The following GABBR2 variants were observed in gnomAD, a reference collection of about 807,000 sequenced individuals.
GABBR2 encodes the protein gamma-aminobutyric acid type B receptor subunit 2.
In GABBR2, 23 loss-of-function variants were observed where a neutral mutation model predicts 105.6. The observed-to-expected ratio is 0.22, with a 90% confidence interval of 0.16 to 0.31. The LOEUF (loss-of-function observed/expected upper bound fraction) is 0.31, where lower values mean the gene tolerates loss of function less well. Ranked by LOEUF, GABBR2 falls within the 10% of genes least tolerant of loss-of-function variation. The pLI, the probability that GABBR2 is intolerant of heterozygous loss-of-function variation, is 1.00. For missense variants in GABBR2, 734 were observed against 1,245.5 expected, an observed-to-expected ratio of 0.59 and a Z score of 6.18; for synonymous variants, 478 against 499.7, an observed-to-expected ratio of 0.96 and a Z score of 0.58.
chr9:98,626,112 A>G lies in GABBR2; in HGVS notation c.322-48040T>C, dbSNP rs146624954. ...GTAGAGATTCGGAAGTGAACCTTGA[A>G]AACATCATGCTGAGTGAAAGAGGCT... On this transcript the variant is annotated intron_variant, in intron 1 of 18. Coordinates refer to ENST00000259455, the MANE Select transcript of GABBR2 (RefSeq NM_005458.8). Among the ~76,000 whole-genome samples, 282 of 152,320 alleles carry G rather than the reference A, an allele frequency of 1.9e-3. 1 individual carries two copies. The highest frequency in any genetic ancestry group is 6.6e-3 in the African/African-American group (275 of 41,566).
chr9:98,650,657 A>G (rs1157534214), intron 1 of GABBR2, among the ~76,000 whole-genome samples: 1 of 152,234 alleles, frequency 6.6e-6, no homozygotes, highest in African/African-American at 2.4e-5. Flanking sequence ...AACATTATCC[A>G]CAAAAGCCAA....
intron 2 of GABBR2, among the ~76,000 whole-genome samples, chr9:98,567,931 A>G (rs1267258915): frequency 6.6e-6 from 1 of 152,142 alleles, no homozygotes; most frequent in Non-Finnish European, 1.5e-5. Context: ...AGAGCCTGGG[A>G]GAGTATACAG....
At chr9:98,312,350 G>A (rs75926160) in intron 13 of GABBR2, among the ~76,000 whole-genome samples, 2,740 of 152,150 alleles carry the variant, frequency 0.018, 80 homozygotes, top group African/African-American at 0.061. Flanking sequence ...CAGTTATTTT[G>A]TAGAAGCCCC....
intron 1 of GABBR2, among the ~76,000 whole-genome samples, chr9:98,674,362 C>T (rs1176093231): frequency 1.3e-5 from 2 of 152,188 alleles, no homozygotes; most frequent in South Asian, 2.1e-4. Context: ...AGGAATGCCA[C>T]GTGAACATCT....
At chr9:98,551,742 T>G (rs1030366063) in intron 2 of GABBR2, among the ~76,000 whole-genome samples, 1 of 152,088 alleles carries the variant, frequency 6.6e-6, no homozygotes, top group African/African-American at 2.4e-5. Context: ...CAGAGAGAAG[T>G]GGTGAGCTCA....
At chr9:98,493,461 G>C (rs1410566005) in intron 4 of GABBR2, among the ~76,000 whole-genome samples, 2 of 152,146 alleles carry the variant, frequency 1.3e-5, no homozygotes, top group Non-Finnish European at 2.9e-5. Context: ...CCCTTCTCCA[G>C]TATCCACAAC....
At chr9:98,358,547 G>C (rs114137098) in intron 13 of GABBR2, among the ~76,000 whole-genome samples, 4,622 of 152,310 alleles carry the variant, frequency 0.03, 232 homozygotes, top group African/African-American at 0.11. Context: ...CCACTGACTT[G>C]TCTGTCTTCC....
intron 13 of GABBR2, among the ~76,000 whole-genome samples, chr9:98,318,932 G>A (rs1490285631): frequency 6.6e-6 from 1 of 151,584 alleles, no homozygotes; most frequent in Non-Finnish European, 1.5e-5. Context: ...GTGTGTGTGT[G>A]TGTGGTGTGT....
At chr9:98,357,194 A>C (rs1831499412) in intron 13 of GABBR2, among the ~76,000 whole-genome samples, 1 of 152,212 alleles carries the variant, frequency 6.6e-6, no homozygotes, top group African/African-American at 2.4e-5. Flanking sequence ...TCATCATTTG[A>C]AAAAATGTAC....
chr9:98,349,589 C>T (rs1831362124), intron 13 of GABBR2, among the ~76,000 whole-genome samples: 1 of 151,828 alleles, frequency 6.6e-6, no homozygotes, highest in Non-Finnish European at 1.5e-5. Context: ...CTCCTGACCT[C>T]GTGATCCGCC....
At chr9:98,633,682 C>T (rs570597765) in intron 1 of GABBR2, among the ~76,000 whole-genome samples, 4 of 151,708 alleles carry the variant, frequency 2.6e-5, no homozygotes, top group South Asian at 2.1e-4. Flanking sequence ...CTCAATATCA[C>T]CAGAAGACAG....
intron 6 of GABBR2, among the ~76,000 whole-genome samples, chr9:98,457,835 G>C (rs1317777438): frequency 6.6e-6 from 1 of 152,180 alleles, no homozygotes; most frequent in Non-Finnish European, 1.5e-5. Flanking sequence ...ACAATTGTTG[G>C]AGAAAAAGTT....
At chr9:98,545,351 G>T (rs1409005905) in intron 2 of GABBR2, among the ~76,000 whole-genome samples, 1 of 152,186 alleles carries the variant, frequency 6.6e-6, no homozygotes, top group Non-Finnish European at 1.5e-5. Context: ...GCTTTGATTA[G>T]ATTGCTTTGC....
rs975049100 is a variant in GABBR2, at chr9:98,708,779, T to G, written c.-42A>C. 8 of 973,734 alleles carry G rather than the reference T, an allele frequency of 8.2e-6. No individual in the cohort carries two copies. Among genetic ancestry groups the G allele is most frequent in the African/African-American group, 1.8e-5 (1 of 55,892 alleles). The allele number at this position is 973,734 out of a possible 1,614,324, so 60.3% of individuals were successfully genotyped here. ...CGGGCGCCGGCTCACTCGGCCCGCA[T>G]GGCCTGGCCCGGCCCGCCGCCCCGC... On this transcript the variant is annotated 5_prime_UTR_variant, in exon 1 of 19. The change abolishes an upstream ATG in the 5' untranslated region. Coordinates refer to ENST00000259455, the MANE Select transcript of GABBR2 (RefSeq NM_005458.8).
chr9:98,449,588 T>C (rs1289291970), intron 7 of GABBR2, among the ~76,000 whole-genome samples: 1 of 152,208 alleles, frequency 6.6e-6, no homozygotes, highest in East Asian at 1.9e-4. Flanking sequence ...ACCTGCATTT[T>C]AAATGAAGCG....
chr9:98,383,010 G>C (rs762225734), intron 11 of GABBR2, among the ~76,000 whole-genome samples: 1 of 151,914 alleles, frequency 6.6e-6, no homozygotes, highest in African/African-American at 2.4e-5. Context: ...GCGTGATCTC[G>C]GCTCACTGTA....
intron 12 of GABBR2, 89 bp from the exon 13 acceptor site, chr9:98,362,926 C>A (rs1169647853): frequency 4.4e-6 from 5 of 1,130,870 alleles, no homozygotes; most frequent in Non-Finnish European, 6.0e-6. Flanking sequence ...GGGGAACCTG[C>A]ATCATGAACC....
rs77549127 is a variant in GABBR2 at position 98,329,356 on chromosome 9, G to A, written c.1894-18151C>T. Among the ~76,000 whole-genome samples the A allele has an allele frequency of 2.5e-3, 379 of 152,298 alleles. 1 individual carries two copies. Among genetic ancestry groups the A allele is most frequent in the African/African-American group, 8.7e-3 (360 of 41,560 alleles). On this transcript the variant is annotated intron_variant, in intron 13 of 18. Coordinates refer to ENST00000259455, the MANE Select transcript of GABBR2 (RefSeq NM_005458.8). Reference sequence around the variant, plus strand: ...TGCTTAGATTTCTTGGGTCGTTTCCGGCTCTGAAATTCTATGACTAAACAC... The same window carrying A: ...TGCTTAGATTTCTTGGGTCGTTTCCAGCTCTGAAATTCTATGACTAAACAC...
intron 7 of GABBR2, among the ~76,000 whole-genome samples, chr9:98,436,918 G>A (rs965906663): frequency 3.3e-5 from 5 of 152,090 alleles, no homozygotes; most frequent in African/African-American, 1.2e-4. Context: ...TAGCATTCAG[G>A]TTGGCACTCA....
Sources: gnomAD v4.1 joint callset for allele counts (sites outside exome capture counted in the v4.1 genomes callset) on GRCh38, gnomAD v4.1.1 for gene constraint, MANE v1.5 for transcripts, NCBI Gene and HGNC (gene_info 2026-07-23, HGNC 2026-07-21) for gene names.